ENTREP2: variants seen among roughly 807,000 people sequenced by gnomAD.
The protein encoded by ENTREP2 is endosomal transmembrane epsin interactor 2.
the ENTREP2 span, among the ~76,000 whole-genome samples, chr15:29,247,801 TC>T: frequency 2.0e-4 from 31 of 152,048 alleles, no homozygotes; most frequent in African/African-American, 7.2e-4. Flanking sequence ...CAAATTATCA[TC>T]CTCCTGTATC....
the ENTREP2 span, among the ~76,000 whole-genome samples, chr15:29,324,933 A>C: frequency 6.6e-6 from 1 of 152,196 alleles, no homozygotes; most frequent in Non-Finnish European, 1.5e-5. Flanking sequence ...GACTGACCAC[A>C]TTCTTGGCCA....
the ENTREP2 span, among the ~76,000 whole-genome samples, chr15:29,562,944 C>T: frequency 6.6e-6 from 1 of 152,088 alleles, no homozygotes; most frequent in Non-Finnish European, 1.5e-5. Context: ...CTGTGTGCCA[C>T]CATGCCCAGC....
At chr15:29,639,912 G>A in the ENTREP2 span, among the ~76,000 whole-genome samples, 1 of 151,976 alleles carries the variant, frequency 6.6e-6, no homozygotes, top group African/African-American at 2.4e-5. Context: ...GGGATTACAG[G>A]TGCGCACCAC....
chr15:29,292,735 T>C, the ENTREP2 span, among the ~76,000 whole-genome samples: 1 of 152,216 alleles, frequency 6.6e-6, no homozygotes, highest in East Asian at 1.9e-4. Context: ...ATCATGTATA[T>C]GTATATGGCT....
the ENTREP2 span, among the ~76,000 whole-genome samples, chr15:29,538,389 T>C: frequency 2.0e-5 from 3 of 152,068 alleles, no homozygotes; most frequent in Non-Finnish European, 2.9e-5. Flanking sequence ...CGATGACTGA[T>C]CATAATGGCT....
At chr15:29,664,690 A>G in the ENTREP2 span, among the ~76,000 whole-genome samples, 2 of 152,128 alleles carry the variant, frequency 1.3e-5, no homozygotes, top group Admixed American at 6.5e-5. Flanking sequence ...GATAGTTATA[A>G]CAGCCTGCAT....
At chr15:29,249,079 C>A in the ENTREP2 span, among the ~76,000 whole-genome samples, 1 of 152,086 alleles carries the variant, frequency 6.6e-6, no homozygotes, top group Non-Finnish European at 1.5e-5. Flanking sequence ...CCCACCAAGG[C>A]AGGCGGATCA....
At chr15:29,332,894 G>A in the ENTREP2 span, among the ~76,000 whole-genome samples, 1 of 151,284 alleles carries the variant, frequency 6.6e-6, no homozygotes, top group Non-Finnish European at 1.5e-5. Flanking sequence ...ACGGGGCGGA[G>A]GTTGCAGTGA....
chr15:29,197,072 G>A, the ENTREP2 span, among the ~76,000 whole-genome samples: 1 of 152,164 alleles, frequency 6.6e-6, no homozygotes, highest in Non-Finnish European at 1.5e-5. Context: ...TCCAGCTACA[G>A]GTGCATCTTA....
At chr15:29,429,592 C>G in the ENTREP2 span, among the ~76,000 whole-genome samples, 1 of 152,346 alleles carries the variant, frequency 6.6e-6, no homozygotes, top group Non-Finnish European at 1.5e-5. Flanking sequence ...TACTCTCTAG[C>G]ACATGTAACC....
At chr15:29,393,927 TTCCC>T in the ENTREP2 span, among the ~76,000 whole-genome samples, 68 of 152,266 alleles carry the variant, frequency 4.5e-4, no homozygotes, top group Non-Finnish European at 9.4e-4. Flanking sequence ...AAATTATTCT[TTCCC>T]TCCATTTTCC....
chr15:29,229,109 G>A, the ENTREP2 span, among the ~76,000 whole-genome samples: 20 of 152,018 alleles, frequency 1.3e-4, no homozygotes, highest in Non-Finnish European at 2.8e-4. Context: ...AATATTTTGT[G>A]ACATAAATAT....
chr15:29,135,814 C>T, the ENTREP2 span, among the ~76,000 whole-genome samples: 2,417 of 152,274 alleles, frequency 0.016, 35 homozygotes, highest in Middle Eastern at 0.031. This position sits in a 1 kb window ranked among gnomAD's most constrained non-coding sequence, Gnocchi z 7.4. Context: ...AGCTTCTTGG[C>T]CTCAGACAGG....
chr15:29,463,453 A>G, the ENTREP2 span, among the ~76,000 whole-genome samples: 1 of 152,224 alleles, frequency 6.6e-6, no homozygotes, highest in Non-Finnish European at 1.5e-5. Context: ...AATGTATTAA[A>G]AAATCATTGA....
chr15:29,461,900 T>A, the ENTREP2 span, among the ~76,000 whole-genome samples: 1 of 151,900 alleles, frequency 6.6e-6, no homozygotes, highest in Admixed American at 6.6e-5. Context: ...ACTGAACAAC[T>A]CCCCATTCCT....
the ENTREP2 span, among the ~76,000 whole-genome samples, chr15:29,246,972 G>GGC: frequency 7.6e-4 from 42 of 55,042 alleles, no homozygotes; most frequent in Admixed American, 6.9e-3. Flanking sequence ...TGACTGGAAA[G>GGC]GCACACACAC....
the ENTREP2 span, among the ~76,000 whole-genome samples, chr15:29,405,391 G>GA: frequency 0.02 from 2,474 of 125,638 alleles, 44 homozygotes; most frequent in African/African-American, 0.054. Flanking sequence ...TCCGTCTCCA[G>GA]AAAAAAAAAA....
the ENTREP2 span, among the ~76,000 whole-genome samples, chr15:29,391,611 C>T: frequency 6.6e-6 from 1 of 151,874 alleles, no homozygotes; most frequent in Non-Finnish European, 1.5e-5. Flanking sequence ...CTCTTAAGTG[C>T]TTGGTAACAA....
the ENTREP2 span, among the ~76,000 whole-genome samples, chr15:29,565,271 C>T: frequency 6.6e-6 from 1 of 152,160 alleles, no homozygotes; most frequent in African/African-American, 2.4e-5. Flanking sequence ...GGGGCACACA[C>T]TGTAGGCTTC....
Sources: allele counts gnomAD v4.1 joint callset (sites outside exome capture counted in the v4.1 genomes callset), GRCh38; gene constraint gnomAD v4.1.1; non-coding constraint Gnocchi (gnomAD v3.1); transcripts MANE v1.5; gene names NCBI Gene and HGNC (gene_info 2026-07-23, HGNC 2026-07-21).